Variants in NRXN3 observed in about 807,000 individuals in gnomAD.
NRXN3 encodes the protein neurexin 3, also known as neurexin III.
Under a neutral mutation model 137.6 loss-of-function variants are expected in NRXN3, and 32 were observed. The ratio of observed to expected loss-of-function variants is 0.23; its 90% CI spans 0.18 to 0.31. NRXN3 has a LOEUF of 0.31. Among genes scored for constraint, NRXN3 ranks in the 10% least tolerant of loss-of-function variants. NRXN3 has a pLI of 1.00. For synonymous variants in NRXN3, 798 were observed against 784.5 expected (o/e 1.02, Z -0.29); for missense variants, 1,574 against 2,062.5 (o/e 0.76, Z 4.59).
At chr14:78,573,298 A>C (rs976227949) in intron 4 of NRXN3, among the ~76,000 whole-genome samples, 27 of 152,200 alleles carry the variant, frequency 1.8e-4, no homozygotes, top group Non-Finnish European at 2.5e-4. Context: ...AAAGATACCC[A>C]AAAATGTGAA....
At chr14:79,650,266 T>C (rs1736290546) in intron 16 of NRXN3, among the ~76,000 whole-genome samples, 1 of 152,180 alleles carries the variant, frequency 6.6e-6, no homozygotes, top group Non-Finnish European at 1.5e-5. Context: ...TTTCTCTGGT[T>C]ACTTGGGCAA....
intron 10 of NRXN3, among the ~76,000 whole-genome samples, chr14:78,908,387 G>T (rs1171750437): frequency 1.3e-5 from 2 of 151,958 alleles, no homozygotes; most frequent in Admixed American, 6.6e-5. Context: ...TCTTCATCTT[G>T]CTATGGGGAA....
At chr14:78,425,467 A>G (rs1309181922) in intron 4 of NRXN3, among the ~76,000 whole-genome samples, 1 of 152,216 alleles carries the variant, frequency 6.6e-6, no homozygotes, top group East Asian at 1.9e-4. Flanking sequence ...GCCCCACCCA[A>G]GTGATTCAGA....
chr14:78,357,469 CT>C (rs2084490700), intron 4 of NRXN3, among the ~76,000 whole-genome samples: 2 of 152,128 alleles, frequency 1.3e-5, no homozygotes. Context: ...ATCAAGGGAT[CT>C]TAAAAAGACA....
At chr14:78,180,012 AT>A (rs1156616194) in intron 1 of NRXN3, among the ~76,000 whole-genome samples, 2 of 151,564 alleles carry the variant, frequency 1.3e-5, no homozygotes, top group African/African-American at 2.4e-5. Flanking sequence ...CATCCAGCTA[AT>A]TTTTTTGCAT....
intron 20 of NRXN3, among the ~76,000 whole-genome samples, chr14:79,840,611 A>G (rs147013103): frequency 2.4e-4 from 36 of 152,278 alleles, no homozygotes; most frequent in African/African-American, 8.7e-4. Context: ...GACTAGATAC[A>G]GTCACGGCCA....
At chr14:79,498,547 C>T (rs1452352740) in intron 16 of NRXN3, among the ~76,000 whole-genome samples, 1 of 152,190 alleles carries the variant, frequency 6.6e-6, no homozygotes, top group Non-Finnish European at 1.5e-5. Context: ...TTCCAACATC[C>T]ATCAGTTGTG....
intron 2 of NRXN3, among the ~76,000 whole-genome samples, chr14:78,257,487 G>A (rs1487322988): frequency 6.6e-6 from 1 of 152,218 alleles, no homozygotes; most frequent in African/African-American, 2.4e-5. Context: ...CTGGGTGTGG[G>A]CGCGTGCCTG....
intron 14 of NRXN3, among the ~76,000 whole-genome samples, chr14:78,970,853 C>G (rs2099435858): frequency 6.6e-6 from 1 of 152,158 alleles, no homozygotes. Context: ...CCATCTGAAT[C>G]TATGGTGAGT....
chr14:79,422,989 C>T lies in NRXN3; in HGVS notation c.3263-44232C>T, dbSNP rs551383882. ...CTGGGATTACAGGCATGGGTCACCG[C>T]GCCCGGCCTAGTCACACATTCTTAA... On this transcript the variant is annotated intron_variant, in intron 15 of 20. Coordinates refer to ENST00000335750, the MANE Select transcript of NRXN3 (RefSeq NM_001330195.2). 2.8e-4 allele frequency among the ~76,000 whole-genome samples: 43 copies of T among 152,210 alleles called. 1 individual carries two copies. Among genetic ancestry groups the T allele is most frequent in the South Asian group, 1.0e-3 (5 of 4,822 alleles).
intron 15 of NRXN3, among the ~76,000 whole-genome samples, chr14:79,100,994 A>G (rs2051179601): frequency 6.6e-6 from 1 of 152,210 alleles, no homozygotes; most frequent in Non-Finnish European, 1.5e-5. Flanking sequence ...ATAATTAATA[A>G]TCCCTTGATC....
chr14:79,454,247 T>A (rs1333953935), intron 15 of NRXN3, among the ~76,000 whole-genome samples: 1 of 151,894 alleles, frequency 6.6e-6, no homozygotes, highest in African/African-American at 2.4e-5. Context: ...CCAAGCCCAG[T>A]TAATTTTTGT....
chr14:78,679,361 C>G (rs913602639), intron 6 of NRXN3, among the ~76,000 whole-genome samples: 61 of 151,982 alleles, frequency 4.0e-4, no homozygotes, highest in Admixed American at 4.0e-3. Flanking sequence ...TAGTGTGGAC[C>G]CTTTTTTGTG....
At chr14:79,068,445 G>T (rs748548985) in intron 15 of NRXN3, among the ~76,000 whole-genome samples, 6 of 151,938 alleles carry the variant, frequency 3.9e-5, no homozygotes, top group Non-Finnish European at 8.8e-5. Flanking sequence ...TTTCTAAGTC[G>T]CCTACTTAAT....
At chr14:78,813,007 A>T (rs2098919150) in intron 10 of NRXN3, among the ~76,000 whole-genome samples, 1 of 134,984 alleles carries the variant, frequency 7.4e-6, no homozygotes, top group Non-Finnish European at 1.6e-5. Flanking sequence ...GGTTATGTAG[A>T]GTCACAAAGT....
chr14:78,941,300 A>C (rs996956306), intron 10 of NRXN3, among the ~76,000 whole-genome samples: 1 of 152,156 alleles, frequency 6.6e-6, no homozygotes, highest in Non-Finnish European at 1.5e-5. Context: ...CCCAGTCAAT[A>C]TAAGCTCACT....
chr14:79,317,947 A>C (rs1039169514), intron 15 of NRXN3, among the ~76,000 whole-genome samples: 1 of 152,178 alleles, frequency 6.6e-6, no homozygotes, highest in East Asian at 1.9e-4. Context: ...TTTCAAACCA[A>C]TGTAAGAGCA....
rs61976031 is a variant in NRXN3, at chr14:78,321,023, C to T, written c.757+23163C>T. 9.6e-3 allele frequency among the ~76,000 whole-genome samples: 1,456 copies of T among 151,600 alleles called. 12 individuals are homozygous for T. The highest frequency in any genetic ancestry group is 0.02 in the Middle Eastern group (6 of 294). ...CCCAGCTACTCAGGAGGCTGAGGCACGAGAATCACTTGAACCCAGCAGGTG... is the reference window on the plus strand; with the variant it reads ...CCCAGCTACTCAGGAGGCTGAGGCATGAGAATCACTTGAACCCAGCAGGTG... On this transcript the variant is annotated intron_variant, in intron 4 of 20. Transcript: ENST00000335750.
intron 15 of NRXN3, among the ~76,000 whole-genome samples, chr14:79,120,157 C>T (rs1299968149): frequency 1.3e-5 from 2 of 152,086 alleles, no homozygotes; most frequent in South Asian, 4.2e-4. Flanking sequence ...TTTAAATGGG[C>T]TCCTTATTCT....
Sources: gnomAD v4.1 joint callset for allele counts (sites outside exome capture counted in the v4.1 genomes callset) on GRCh38, gnomAD v4.1.1 for gene constraint, MANE v1.5 for transcripts, NCBI Gene and HGNC (gene_info 2026-07-23, HGNC 2026-07-21) for gene names.